The following CECR2 variants were observed in gnomAD, a reference collection of about 807,000 sequenced individuals.
The protein encoded by CECR2 is CECR2 histone acetyl-lysine reader.
In CECR2, 30 loss-of-function variants were observed where a neutral mutation model predicts 154.5. That is an observed-to-expected ratio of 0.19 (90% CI 0.15 to 0.26). The LOEUF (loss-of-function observed/expected upper bound fraction) is 0.26, where lower values mean the gene tolerates loss of function less well. Ranked by LOEUF, CECR2 falls within the 10% of genes least tolerant of loss-of-function variation. The pLI is 1.00. For synonymous variants in CECR2, 725 were observed against 683.7 expected (o/e 1.06, Z -0.94); for missense variants, 1,743 against 1,829.3 (o/e 0.95, Z 0.86).
chr22:17,553,281 C>G lies in CECR2; in HGVS notation c.*441C>G, dbSNP rs2056736312. On this transcript the variant is annotated 3_prime_UTR_variant, in exon 19 of 19. Coordinates refer to ENST00000262608, the MANE Select transcript of CECR2 (RefSeq NM_001290047.2). ...AGTATTAATGGTTTTGGAGCTGGGTCCAGTTTACAGAATTTTCATGTTGCC... is the reference window on the plus strand; with the variant it reads ...AGTATTAATGGTTTTGGAGCTGGGTGCAGTTTACAGAATTTTCATGTTGCC... The G allele has an allele frequency of 6.5e-6, 1 of 154,420 alleles. No homozygotes were observed. Among genetic ancestry groups the G allele is most frequent in the African/African-American group, 2.4e-5 (1 of 41,322 alleles). 9.6% of individuals were successfully genotyped at this position (154,420 alleles called of 1,614,324 possible).
intron 2 of CECR2, among the ~76,000 whole-genome samples, chr22:17,486,737 A>G (rs1425662524): frequency 6.6e-6 from 1 of 152,250 alleles, no homozygotes; most frequent in East Asian, 1.9e-4. Flanking sequence ...TATATGGAAA[A>G]CTTACGAAGA....
In CECR2 at chr22:17,454,090, G is replaced by A. The variant is rs373089787; in HGVS notation, c.127-23498G>A. On this transcript the variant is annotated intron_variant, in intron 1 of 18. Coordinates refer to ENST00000262608, the MANE Select transcript of CECR2 (RefSeq NM_001290047.2). ...TACCTTATTTGTAAAATGGACCAGT[G>A]CATGTAAAGAGTTTAGCACAGTGTG... Among the ~76,000 whole-genome samples, 143 of 152,326 alleles carry A rather than the reference G, an allele frequency of 9.4e-4. 3 individuals carry two copies. The South Asian group carries it at 0.029, about 31-fold the overall frequency.
chr22:17,511,076 C>T (rs1252562894), intron 7 of CECR2, among the ~76,000 whole-genome samples: 2 of 152,094 alleles, frequency 1.3e-5, no homozygotes, highest in African/African-American at 2.4e-5. Context: ...ATTTTTGATG[C>T]GGAAGTCACG....
At chr22:17,465,384 C>CA (rs2055014043) in intron 1 of CECR2, among the ~76,000 whole-genome samples, 1 of 152,080 alleles carries the variant, frequency 6.6e-6, no homozygotes, top group African/African-American at 2.4e-5. Flanking sequence ...GGCTGGAGTA[C>CA]AGTGGCACAG....
At chr22:17,471,950 C>T (rs2055134662) in intron 1 of CECR2, among the ~76,000 whole-genome samples, 1 of 152,212 alleles carries the variant, frequency 6.6e-6, no homozygotes, top group Non-Finnish European at 1.5e-5. Flanking sequence ...TAGATTTACA[C>T]ATATATTGGT....
chr22:17,443,208 C>T (rs2054610221), intron 1 of CECR2, among the ~76,000 whole-genome samples: 1 of 152,134 alleles, frequency 6.6e-6, no homozygotes, highest in African/African-American at 2.4e-5. Context: ...GAAAGCAAGG[C>T]AGGTAGAATG....
Position 17,553,143 on chromosome 22 carries a change from A to G in CECR2, c.*303A>G. The G allele has an allele frequency of 2.7e-6, 1 of 375,562 alleles. No homozygotes were observed. The highest frequency in any genetic ancestry group is 4.4e-6 in the Non-Finnish European group (1 of 229,640). 23.3% of individuals were successfully genotyped at this position (375,562 alleles called of 1,614,324 possible). A position where few individuals can be genotyped will look rare whatever the true frequency, so the allele number is the denominator to read the frequency against. ...TTTTCCAAATCCTGAGACACTTTTCAGGGAAAATCACTTTAAACTTGGGGG... is the reference window on the plus strand; with the variant it reads ...TTTTCCAAATCCTGAGACACTTTTCGGGGAAAATCACTTTAAACTTGGGGG... On this transcript the variant is annotated 3_prime_UTR_variant, in exon 19 of 19. Transcript: ENST00000262608.
intron 9 of CECR2, among the ~76,000 whole-genome samples, chr22:17,531,904 C>G (rs572729165): frequency 6.6e-6 from 1 of 152,314 alleles, no homozygotes; most frequent in South Asian, 2.1e-4. Context: ...TGCAGTGGCT[C>G]ATGCCTGTAA....
intron 1 of CECR2, among the ~76,000 whole-genome samples, chr22:17,432,158 G>T (rs970857819): frequency 1.8e-4 from 26 of 142,442 alleles, no homozygotes; most frequent in Non-Finnish European, 3.0e-4. Context: ...GAATCACACA[G>T]CCCCACTTTG....
intron 10 of CECR2, among the ~76,000 whole-genome samples, chr22:17,538,138 A>G (rs1437770504): frequency 1.3e-5 from 2 of 152,220 alleles, no homozygotes; most frequent in Non-Finnish European, 2.9e-5. Context: ...GGATTGCTGG[A>G]GCCCAGGAAA....
At chr22:17,417,637 G>C (rs1425356754) in intron 1 of CECR2, among the ~76,000 whole-genome samples, 1 of 151,936 alleles carries the variant, frequency 6.6e-6, no homozygotes, top group Non-Finnish European at 1.5e-5. Context: ...GTATTTTTTT[G>C]AGACAGACCC....
At chr22:17,429,566 G>GAA (rs2054389995) in intron 1 of CECR2, among the ~76,000 whole-genome samples, 1 of 138,036 alleles carries the variant, frequency 7.2e-6, no homozygotes, top group Admixed American at 7.2e-5. Flanking sequence ...ACAAAGAAAA[G>GAA]AAAAGAAAAA....
chr22:17,414,631 C>T (rs2054129297), intron 1 of CECR2, among the ~76,000 whole-genome samples: 1 of 151,848 alleles, frequency 6.6e-6, no homozygotes. Context: ...TTGTCATTTA[C>T]ATTAGGTATG....
At chr22:17,536,322 C>A (rs2056436846) in intron 9 of CECR2, among the ~76,000 whole-genome samples, 1 of 152,158 alleles carries the variant, frequency 6.6e-6, no homozygotes, top group African/African-American at 2.4e-5. Context: ...TTGTGCCTTG[C>A]TGTCTGGCAG....
chr22:17,389,784 C>T (rs772635824), intron 1 of CECR2, among the ~76,000 whole-genome samples: 6 of 152,044 alleles, frequency 3.9e-5, no homozygotes, highest in Non-Finnish European at 7.4e-5. Flanking sequence ...TGCGCCACAA[C>T]GCCCGGCTAA....
intron 2 of CECR2, among the ~76,000 whole-genome samples, chr22:17,477,951 G>A (rs533923436): frequency 6.6e-6 from 1 of 152,132 alleles, no homozygotes; most frequent in African/African-American, 2.4e-5. Context: ...TTTTAGTGTA[G>A]AATTTCTTCT....
intron 9 of CECR2, 82 bp downstream of exon 9, chr22:17,524,353 T>G: frequency 6.9e-7 from 1 of 1,439,680 alleles, no homozygotes; most frequent in Non-Finnish European, 9.4e-7. Context: ...TCAAGCTAAG[T>G]CCTGCCATGC....
At position 17,465,198 on chromosome 22, in the gene CECR2, G is replaced by A. The variant is rs149132066; in HGVS notation, c.127-12390G>A. 1.2e-3 allele frequency among the ~76,000 whole-genome samples: 182 copies of A among 152,056 alleles called. 2 individuals carry two copies. Among genetic ancestry groups the A allele is most frequent in the African/African-American group, 3.7e-3 (155 of 41,478 alleles). On this transcript the variant is annotated intron_variant, in intron 1 of 18. Transcript: ENST00000262608. Reference sequence around the variant, plus strand: ...TTTTTAGTAAAGACGGGGTTTCACCGTGTTAGCCAGGATGGTCTTGATCTC... The same window carrying A: ...TTTTTAGTAAAGACGGGGTTTCACCATGTTAGCCAGGATGGTCTTGATCTC...
chr22:17,367,092 C>G (rs2063006077), upstream of CECR2, among the ~76,000 whole-genome samples: 1 of 152,150 alleles, frequency 6.6e-6, no homozygotes, highest in South Asian at 2.1e-4. Context: ...CCAGGGGGCG[C>G]GTGCCGTTCC....
Sources: gnomAD v4.1 joint callset for allele counts (sites outside exome capture counted in the v4.1 genomes callset) on GRCh38, gnomAD v4.1.1 for gene constraint, MANE v1.5 for transcripts, NCBI Gene and HGNC (gene_info 2026-07-23, HGNC 2026-07-21) for gene names.